Variants in KANSL1L observed in about 807,000 individuals in gnomAD.
KANSL1L encodes the protein KAT8 regulatory NSL complex subunit 1 like.
A neutral mutation model predicts 108.6 loss-of-function variants in KANSL1L; 25 were observed. That is an observed-to-expected ratio of 0.23 (90% CI 0.17 to 0.32). The LOEUF is 0.32. Ranked by LOEUF, KANSL1L falls within the 10% of genes least tolerant of loss-of-function variation. KANSL1L has a pLI of 1.00. For synonymous variants in KANSL1L, 405 were observed against 395.1 expected (o/e 1.03, Z -0.30); for missense variants, 1,137 against 1,125.7 (o/e 1.01, Z -0.14).
At chr2:210,155,009 T>C (rs1477977032) in intron 1 of KANSL1L, among the ~76,000 whole-genome samples, 1 of 152,174 alleles carries the variant, frequency 6.6e-6, no homozygotes, top group African/African-American at 2.4e-5. Flanking sequence ...GAATTGCTTA[T>C]CTTTATAAAA....
At chr2:210,087,936 G>T (rs767067622) in intron 5 of KANSL1L, among the ~76,000 whole-genome samples, 5 of 152,084 alleles carry the variant, frequency 3.3e-5, no homozygotes, top group Middle Eastern at 3.4e-3. Context: ...CTTGATCAAG[G>T]TTTAAAATTA....
At position 210,075,584 on chromosome 2, in the gene KANSL1L, T is replaced by G. The variant is rs760785656; in HGVS notation, c.1723A>C (p.Arg575=). ...GTCCAATAAAAAGTAGGGCTCAATCTGTACAGTTTTCGTTTGTGGAAACTC... is the reference window on the plus strand; with the variant it reads ...GTCCAATAAAAAGTAGGGCTCAATCGGTACAGTTTTCGTTTGTGGAAACTC... ...LQSFHKRKLY[R]LSPTFYWTPQ... Residue 575 remains arginine, a synonymous_variant, in exon 6 of 15, where the codon AGA becomes CGA. Transcript: ENST00000281772. 1.2e-6 allele frequency: 2 copies of G among 1,614,096 alleles called. No individual in the cohort carries two copies. The highest frequency in any genetic ancestry group is 1.7e-5 in the Admixed American group (1 of 60,006).
At position 210,120,878 on chromosome 2, in the gene KANSL1L, C is replaced by T. The variant is rs995308317; in HGVS notation, c.1230+8153G>A. The stretch of plus-strand genomic sequence containing the variant: ...TTTCAACAGAAGACATACATGCGGC[C>T]AAAAATCATATGAAAAAAAGCTCAA... On this transcript the variant is annotated intron_variant, in intron 3 of 14. Transcript: ENST00000281772. Among the ~76,000 whole-genome samples the T allele has an allele frequency of 2.0e-5, 3 of 151,986 alleles. 1 individual carries two copies. Among genetic ancestry groups the T allele is most frequent in the Admixed American group, 1.3e-4 (2 of 15,262 alleles).
intron 3 of KANSL1L, among the ~76,000 whole-genome samples, chr2:210,122,182 A>G (rs2095027665): frequency 1.3e-5 from 2 of 152,190 alleles, no homozygotes; most frequent in African/African-American, 4.8e-5. Flanking sequence ...AGAAAAAACA[A>G]CCCTAAAATT....
At chr2:210,058,540 C>A (rs1378728891) in intron 6 of KANSL1L, among the ~76,000 whole-genome samples, 4 of 151,992 alleles carry the variant, frequency 2.6e-5, no homozygotes, top group African/African-American at 9.7e-5. Context: ...CTAATAAAAA[C>A]TTGCTGCTTT....
Position 210,171,335 on chromosome 2 carries a change from G to A in KANSL1L, c.-216C>T. The A allele has an allele frequency of 1.1e-5, 1 of 93,416 alleles. No homozygotes were observed. The highest frequency in any genetic ancestry group is 2.2e-5 in the Non-Finnish European group (1 of 44,942). 5.8% of individuals were successfully genotyped at this position (93,416 alleles called of 1,614,324 possible). On this transcript the variant is annotated 5_prime_UTR_variant, in exon 1 of 15. Coordinates refer to ENST00000281772, the MANE Select transcript of KANSL1L (RefSeq NM_152519.4). ...CGCCGCCGCCGCCGCCGCCGCCGCC[G>A]CCGCCGCGGTTTAACAGTCCGCCCG...
intron 8 of KANSL1L, 24 bp from the exon 9 acceptor site, chr2:210,031,570 TTAAG>T (rs1559500243): frequency 6.9e-7 from 1 of 1,449,370 alleles, no homozygotes; most frequent in Non-Finnish European, 9.4e-7. Context: ...AAAGGAAATA[TTAAG>T]TTTTAGTTCC....
chr2:210,059,509 A>G (rs955286450), intron 6 of KANSL1L, among the ~76,000 whole-genome samples: 2 of 152,252 alleles, frequency 1.3e-5, no homozygotes, highest in African/African-American at 2.4e-5. Context: ...CCTACAAAAA[A>G]TAACTTCTAG....
intron 5 of KANSL1L, 171 bp downstream of exon 5, chr2:210,097,915 G>T: frequency 2.6e-6 from 1 of 391,884 alleles, no homozygotes; most frequent in Non-Finnish European, 4.6e-6. Context: ...TACCTTAATT[G>T]TGTAAATTTA....
chr2:210,157,694 A>T (rs1163511628), intron 1 of KANSL1L, among the ~76,000 whole-genome samples: 3 of 111,406 alleles, frequency 2.7e-5, no homozygotes, highest in Non-Finnish European at 3.7e-5. Context: ...TGTCACAGAA[A>T]AAAAAAAAAA....
intron 5 of KANSL1L, among the ~76,000 whole-genome samples, chr2:210,081,359 C>T (rs2094588495): frequency 1.3e-5 from 2 of 152,126 alleles, no homozygotes; most frequent in South Asian, 2.1e-4. Context: ...ACATCCTCTT[C>T]ACTACATAAT....
At chr2:210,026,940 T>G (rs1246338134) in intron 12 of KANSL1L, among the ~76,000 whole-genome samples, 1 of 152,056 alleles carries the variant, frequency 6.6e-6, no homozygotes, top group African/African-American at 2.4e-5. Flanking sequence ...CCGACTAATT[T>G]TTTTGTATTT....
intron 12 of KANSL1L, among the ~76,000 whole-genome samples, chr2:210,025,433 G>C (rs1221591125): frequency 1.3e-5 from 2 of 152,192 alleles, no homozygotes; most frequent in Middle Eastern, 3.2e-3. Context: ...GCAGGCGCCT[G>C]TAATCACAGC....
intron 3 of KANSL1L, among the ~76,000 whole-genome samples, chr2:210,104,933 C>T (rs932336473): frequency 2.6e-5 from 4 of 152,040 alleles, no homozygotes; most frequent in African/African-American, 9.7e-5. Flanking sequence ...AAGCTTTCAA[C>T]TTTGATGGGG....
At chr2:210,083,119 G>C (rs1466822071) in intron 5 of KANSL1L, among the ~76,000 whole-genome samples, 6 of 152,180 alleles carry the variant, frequency 3.9e-5, no homozygotes, top group Non-Finnish European at 8.8e-5. Flanking sequence ...AGTGATGTGT[G>C]TATGTCTTAC....
chr2:210,128,746 T>G (rs1266514498), intron 3 of KANSL1L, among the ~76,000 whole-genome samples: 2 of 152,188 alleles, frequency 1.3e-5, no homozygotes, highest in African/African-American at 4.8e-5. Context: ...TGTTAAGGTT[T>G]TTATGTATTT....
intron 4 of KANSL1L, 106 bp downstream of exon 4, chr2:210,103,998 T>C (rs551467122): frequency 1.2e-6 from 1 of 843,368 alleles, no homozygotes; most frequent in African/African-American, 1.7e-5. Flanking sequence ...CCTAGTTTAA[T>C]AACACATATG....
chr2:210,067,530 T>A (rs1015070979), intron 6 of KANSL1L, among the ~76,000 whole-genome samples: 7 of 151,892 alleles, frequency 4.6e-5, no homozygotes, highest in Admixed American at 2.0e-4. Context: ...AAACCCCATC[T>A]CTGCAAAAAA....
intron 3 of KANSL1L, among the ~76,000 whole-genome samples, chr2:210,113,979 TC>T (rs1361459524): frequency 1.3e-5 from 2 of 151,824 alleles, no homozygotes; most frequent in African/African-American, 4.8e-5. Context: ...ATGTGGGAGT[TC>T]CAGAAAAAGA....
Sources: gnomAD v4.1 joint callset for allele counts (sites outside exome capture counted in the v4.1 genomes callset) on GRCh38, gnomAD v4.1.1 for gene constraint, MANE v1.5 for transcripts, NCBI Gene and HGNC (gene_info 2026-07-23, HGNC 2026-07-21) for gene names.